Variants in NHSL1 observed in about 807,000 individuals in gnomAD.
NHSL1 encodes NHS like 1, also known as NHS-like protein 1.
Under a neutral mutation model 95.0 loss-of-function variants are expected in NHSL1, and 48 were observed. The ratio of observed to expected loss-of-function variants is 0.51; its 90% CI spans 0.40 to 0.64. The LOEUF (loss-of-function observed/expected upper bound fraction) is 0.64, where lower values mean the gene tolerates loss of function less well. NHSL1 is among the 30% of genes least tolerant of loss of function. The pLI, the probability that NHSL1 is intolerant of heterozygous loss-of-function variation, is 0.00. For missense variants in NHSL1, 1,971 were observed against 2,077.7 expected (o/e 0.95, Z 1.00); for synonymous variants, 783 against 833.9 (o/e 0.94, Z 1.05).
chr6:138,485,368 AT>A (rs1779660196), intron 2 of NHSL1, among the ~76,000 whole-genome samples: 2 of 151,472 alleles, frequency 1.3e-5, no homozygotes, highest in Non-Finnish European at 2.9e-5. Flanking sequence ...TGTTTAAACA[AT>A]CCGCAGTGCT....
upstream of NHSL1, among the ~76,000 whole-genome samples, chr6:138,576,148 C>T (rs747851975): frequency 3.9e-5 from 6 of 152,070 alleles, no homozygotes; most frequent in East Asian, 1.9e-4. Context: ...CGCATCTCCA[C>T]GCCTGGCTAA....
chr6:138,617,155 G>A lies in NHSL1; in HGVS notation c.96+75321C>T, dbSNP rs77211176. Among the ~76,000 whole-genome samples the A allele has an allele frequency of 5.6e-3, 852 of 152,294 alleles. 4 individuals are homozygous for A. Among genetic ancestry groups the A allele is most frequent in the Non-Finnish European group, 9.6e-3 (655 of 68,026 alleles). On this transcript the variant is annotated intron_variant, in intron 1 of 3. Coordinates refer to the NHSL1 transcript ENST00000491526. ...TCAAGTACTATAGTAACTAGGGGGT[G>A]AGGAGGAAAAGGTGACCACATGGCA...
chr6:138,496,279 G>T lies in NHSL1; in HGVS notation c.151C>A (p.Pro51Thr), dbSNP rs762956771. ...QENVFLPTTRPPCVEDLHRQA... is the reference protein window; with the variant it reads ...QENVFLPTTRTPCVEDLHRQA... ...CGGTGCAGGTCCTCAACACAGGGGG[G>T]TCTTGTGGTGGGAAGGAACACATTC... The change falls in exon 2 of 8, where the codon CCC becomes ACC. Residue 51 changes from proline (P) to threonine (T), a missense_variant. Physicochemically the swap from Pro to Thr is conservative, Grantham distance 38 (BLOSUM62 -1). This residue lies in a region of NHSL1 where 1,602 missense variants were observed against 1,654.5 expected (regional missense o/e 0.97). Transcript: ENST00000343505. 7.4e-5 allele frequency: 115 copies of T among 1,550,892 alleles called. No homozygotes were observed. Among genetic ancestry groups the T allele is most frequent in the Middle Eastern group, 3.6e-4 (2 of 5,588 alleles).
chr6:138,424,135 T>C lies in NHSL1; in HGVS notation c.4767A>G (p.Ala1589=). 7.0e-7 allele frequency: 1 copy of C among 1,434,562 alleles called. No individual in the cohort carries two copies. Among genetic ancestry groups the C allele is most frequent in the South Asian group, 1.5e-5 (1 of 67,102 alleles). 88.9% of individuals were successfully genotyped at this position (1,434,562 alleles called of 1,614,324 possible). ...ACTGTGGGGAGGGCTCTCTGCCCTC[T>C]GCACTGGCTGTCCCATCCACAGGGC... The part of the protein sequence containing the change: ...APGPVDGTAS[A]EGREPSPQCG... Residue 1589 remains alanine (A), a synonymous_variant, in exon 8 of 8, where the codon GCA becomes GCG. Coordinates refer to ENST00000343505, the MANE Select transcript of NHSL1 (RefSeq NM_001144060.2). This position sits in a 1 kb window ranked among gnomAD's most constrained non-coding sequence, Gnocchi z 5.9.
At chr6:138,691,098 C>T (rs1785660650) in intron 1 of NHSL1, among the ~76,000 whole-genome samples, 1 of 152,226 alleles carries the variant, frequency 6.6e-6, no homozygotes, top group South Asian at 2.1e-4. Context: ...CTCGTGATTG[C>T]CGCATAGACC....
intron 1 of NHSL1, among the ~76,000 whole-genome samples, chr6:138,557,726 C>T (rs1035784493): frequency 2.0e-5 from 3 of 152,148 alleles, no homozygotes; most frequent in African/African-American, 4.8e-5. Context: ...GACTAAGTCA[C>T]GAGAAGTGGA....
At chr6:138,687,982 TG>T (rs1364077001) in intron 1 of NHSL1, among the ~76,000 whole-genome samples, 2 of 152,148 alleles carry the variant, frequency 1.3e-5, no homozygotes, top group Non-Finnish European at 2.9e-5. Flanking sequence ...CACAGAGTCT[TG>T]CTCTATCTCC....
At chr6:138,635,950 TA>T (rs930630887) in intron 1 of NHSL1, among the ~76,000 whole-genome samples, 20,642 of 94,342 alleles carry the variant, frequency 0.22, 1,578 homozygotes, top group Middle Eastern at 0.27. Context: ...CCGTCTCTAC[TA>T]AAAAAAAAAA....
At chr6:138,606,893 C>T (rs901936921) in intron 1 of NHSL1, among the ~76,000 whole-genome samples, 1 of 151,672 alleles carries the variant, frequency 6.6e-6, no homozygotes, top group Non-Finnish European at 1.5e-5. Context: ...TTAGTAGAGA[C>T]GGGGTTTCAC....
At chr6:138,663,993 GA>G (rs1420672803) in intron 1 of NHSL1, among the ~76,000 whole-genome samples, 2 of 152,212 alleles carry the variant, frequency 1.3e-5, no homozygotes, top group Admixed American at 6.5e-5. Flanking sequence ...AAATGTCTCT[GA>G]AATATTTTAA....
chr6:138,536,839 A>G (rs971589598), intron 1 of NHSL1, among the ~76,000 whole-genome samples: 2 of 151,994 alleles, frequency 1.3e-5, no homozygotes, highest in African/African-American at 2.4e-5. Context: ...TTAAACTTCC[A>G]TCGTAATTTA....
At chr6:138,514,318 AAAACAAACAAACAAAC>A (rs59958557) in intron 1 of NHSL1, among the ~76,000 whole-genome samples, 2 of 149,698 alleles carry the variant, frequency 1.3e-5, no homozygotes, top group Non-Finnish European at 3.0e-5. Flanking sequence ...ACTCCATCTC[AAAACAAACAAACAAAC>A]AAACAAACAA....
rs1461986737 is a variant in NHSL1 at position 138,659,041 on chromosome 6, ACTAT to A, written c.96+33431_96+33434del. On this transcript the variant is annotated intron_variant, in intron 1 of 3. Coordinates refer to the NHSL1 transcript ENST00000491526. ...TATGTATAACATGCTTGAGATGTGGACTATCTTTTTTTTTTTTTTTTTTTTTGAG... is the reference window on the plus strand; with the variant it reads ...TATGTATAACATGCTTGAGATGTGGACTTTTTTTTTTTTTTTTTTTTTGAG... Among the ~76,000 whole-genome samples, 586 of 144,652 alleles carry A rather than the reference ACTAT, an allele frequency of 4.1e-3. 1 individual carries two copies. The highest frequency in any genetic ancestry group is 0.01 in the Middle Eastern group (3 of 288). 94.9% of individuals were successfully genotyped at this position (144,652 alleles called of 152,430 possible).
chr6:138,435,718 T>G (rs576102082), intron 5 of NHSL1, among the ~76,000 whole-genome samples: 43 of 151,988 alleles, frequency 2.8e-4, no homozygotes, highest in Non-Finnish European at 4.7e-4. Flanking sequence ...TGGGGTTTTT[T>G]TTTTTGTTTT....
In NHSL1 at chr6:138,569,665, T is replaced by C. The variant is rs139649719; in HGVS notation, c.202+2045A>G. 5.2e-4 allele frequency among the ~76,000 whole-genome samples: 79 copies of C among 152,354 alleles called. 3 individuals are homozygous for C. The East Asian group carries it at 0.014, about 27-fold the overall frequency. ...ATCTGCTCACATAAACAAATGTCACTTCTGTATTTCTCCAAAGGAAGGAAT... is the reference window on the plus strand; with the variant it reads ...ATCTGCTCACATAAACAAATGTCACCTCTGTATTTCTCCAAAGGAAGGAAT... On this transcript the variant is annotated intron_variant, in intron 1 of 6. Transcript: ENST00000427025.
chr6:138,621,810 A>C (rs538009232), intron 1 of NHSL1, among the ~76,000 whole-genome samples: 2 of 152,358 alleles, frequency 1.3e-5, no homozygotes, highest in African/African-American at 4.8e-5. Flanking sequence ...TACAAAACCC[A>C]GAGTAAAGGA....
chr6:138,566,599 A>G (rs1282618640), intron 1 of NHSL1, among the ~76,000 whole-genome samples: 1 of 151,580 alleles, frequency 6.6e-6, no homozygotes, highest in Non-Finnish European at 1.5e-5. Context: ...AAAAAAAACC[A>G]TATTTTTCAT....
intron 1 of NHSL1, among the ~76,000 whole-genome samples, chr6:138,610,560 T>TATATATA (rs1554256222): frequency 1.2e-3 from 78 of 64,576 alleles, no homozygotes; most frequent in Admixed American, 4.9e-3. Flanking sequence ...TATATATATA[T>TATATATA]TATATATATA....
intron 1 of NHSL1, among the ~76,000 whole-genome samples, chr6:138,662,314 A>G (rs1172412711): frequency 6.6e-6 from 1 of 152,238 alleles, no homozygotes; most frequent in African/African-American, 2.4e-5. Flanking sequence ...TTTAACCATA[A>G]TCCATGAGAA....
Sources: allele counts gnomAD v4.1 joint callset (sites outside exome capture counted in the v4.1 genomes callset), GRCh38; gene constraint gnomAD v4.1.1; regional missense constraint gnomAD v4.1.1; non-coding constraint Gnocchi (gnomAD v3.1); transcripts MANE v1.5; gene names NCBI Gene and HGNC (gene_info 2026-07-23, HGNC 2026-07-21).